Variants in IFNLR1 observed in about 807,000 individuals in gnomAD.
IFNLR1 encodes the protein interferon lambda receptor 1, also known as CRF2-12.
IFNLR1 carries 28 observed loss-of-function variants against 52.5 expected under a neutral mutation model. That is an observed-to-expected ratio of 0.53 (90% CI 0.40 to 0.73). IFNLR1 has a LOEUF of 0.73. Among genes scored for constraint, IFNLR1 ranks in the 30% least tolerant of loss-of-function variants. IFNLR1 has a pLI of 0.00. For missense variants in IFNLR1, 623 were observed against 659.1 expected (o/e 0.95, Z 0.60); for synonymous variants, 276 against 274.9 (o/e 1.00, Z -0.04).
chr1:24,171,687 C>T (rs962876676), intron 2 of IFNLR1, among the ~76,000 whole-genome samples: 2 of 151,018 alleles, frequency 1.3e-5, no homozygotes, highest in East Asian at 1.9e-4. Context: ...GACAGAGTCT[C>T]GCTCTGTCAT....
intron 2 of IFNLR1, among the ~76,000 whole-genome samples, chr1:24,175,038 A>C (rs151233737): frequency 1.3e-5 from 2 of 152,366 alleles, no homozygotes; most frequent in South Asian, 2.1e-4. Context: ...GCTTTGACTA[A>C]AGGGGACAGA....
At chr1:24,158,824 T>C (rs778732077) in intron 6 of IFNLR1, among the ~76,000 whole-genome samples, 16 of 152,198 alleles carry the variant, frequency 1.1e-4, no homozygotes, top group Non-Finnish European at 1.2e-4. Context: ...GGTGAAGTTA[T>C]TTATCTCAAA....
intron 2 of IFNLR1, among the ~76,000 whole-genome samples, chr1:24,177,956 C>T (rs951710410): frequency 6.6e-6 from 1 of 152,030 alleles, no homozygotes; most frequent in South Asian, 2.1e-4. Context: ...ATGGGAAGCA[C>T]CCGTATAACT....
chr1:24,181,772 C>T (rs901819927), intron 1 of IFNLR1, among the ~76,000 whole-genome samples: 2 of 152,112 alleles, frequency 1.3e-5, no homozygotes, highest in African/African-American at 2.4e-5. Context: ...AGCGCCAGAG[C>T]AATGGTCAGA....
At chr1:24,160,484 TA>T (rs1644431013) in intron 4 of IFNLR1, among the ~76,000 whole-genome samples, 1 of 152,236 alleles carries the variant, frequency 6.6e-6, no homozygotes, top group Non-Finnish European at 1.5e-5. Context: ...TTACTTAATT[TA>T]ACATGGAACA....
At position 24,156,863 on chromosome 1, in the gene IFNLR1, G is replaced by A; in HGVS notation, c.*267C>T. On this transcript the variant is annotated 3_prime_UTR_variant, in exon 7 of 7. Transcript: ENST00000327535. ...TGGCCTGTCACCCTAGGGACAATGG[G>A]GGTGATGACACCCCACCAACCTCTG... 1.9e-6 allele frequency: 1 copy of A among 514,040 alleles called. No homozygotes were observed. The highest frequency in any genetic ancestry group is 3.6e-5 in the Admixed American group (1 of 27,428). 31.8% of individuals were successfully genotyped at this position (514,040 alleles called of 1,614,324 possible).
In IFNLR1 at chr1:24,159,508, G is replaced by A. The variant is rs1254453368; in HGVS notation, c.636C>T (p.Phe212=). The change falls in exon 5 of 7, where the codon TTC becomes TTT. Residue 212 remains phenylalanine (F), a synonymous_variant. Coordinates refer to ENST00000327535, the MANE Select transcript of IFNLR1 (RefSeq NM_170743.4). The part of the protein sequence containing the change: ...YTFSVPKYSK[F]SKPTCFLLEV... Reference sequence around the variant, plus strand: ...CCAGCAAGAAGCAGGTGGGCTTAGAGAACTTGCTGTATTTCGGGACACTGA... The same window carrying A: ...CCAGCAAGAAGCAGGTGGGCTTAGAAAACTTGCTGTATTTCGGGACACTGA... The A allele has an allele frequency of 3.7e-6, 6 of 1,614,064 alleles. No homozygotes were observed. Among genetic ancestry groups the A allele is most frequent in the Non-Finnish European group, 2.5e-6 (3 of 1,180,034 alleles).
At chr1:24,183,187 T>C (rs1204807394) in intron 1 of IFNLR1, among the ~76,000 whole-genome samples, 2 of 152,184 alleles carry the variant, frequency 1.3e-5, no homozygotes, top group Non-Finnish European at 2.9e-5. Flanking sequence ...GTCTGCACTG[T>C]AGTCTAAGGT....
chr1:24,159,310 G>A, intron 5 of IFNLR1, 128 bp from the exon 6 acceptor site: 2 of 1,337,454 alleles, frequency 1.5e-6, no homozygotes, highest in South Asian at 2.7e-5. Flanking sequence ...TGCAGACTGT[G>A]CAAACCAAGG....
chr1:24,181,010 G>A (rs1424511933), intron 1 of IFNLR1, among the ~76,000 whole-genome samples, 156 bp from the exon 2 acceptor site: 1 of 152,164 alleles, frequency 6.6e-6, no homozygotes, highest in Non-Finnish European at 1.5e-5. Context: ...CTTGTGCCAT[G>A]AGAGAAGACC....
At chr1:24,178,190 C>A (rs977773244) in intron 2 of IFNLR1, among the ~76,000 whole-genome samples, 12 of 151,854 alleles carry the variant, frequency 7.9e-5, no homozygotes, top group African/African-American at 2.9e-4. Context: ...TAGGCTGAGG[C>A]AGGATAATCT....
At chr1:24,187,013 C>T (rs772784284) in intron 1 of IFNLR1, among the ~76,000 whole-genome samples, 178 bp downstream of exon 1, 2 of 152,194 alleles carry the variant, frequency 1.3e-5, no homozygotes, top group Non-Finnish European at 2.9e-5. Context: ...TATCAAAGAC[C>T]CGGTTCTGTT....
Position 24,157,116 on chromosome 1 carries a change from T to G in IFNLR1, c.*14A>C. 6.3e-7 allele frequency: 1 copy of G among 1,590,998 alleles called. No individual in the cohort carries two copies. Among genetic ancestry groups the G allele is most frequent in the East Asian group, 2.2e-5 (1 of 44,746 alleles). On this transcript the variant is annotated 3_prime_UTR_variant, in exon 7 of 7. Coordinates refer to ENST00000327535, the MANE Select transcript of IFNLR1 (RefSeq NM_170743.4). The surrounding 1 kb of genome is among the most constrained non-coding windows in gnomAD (Gnocchi z 5.1). ...AGCAGCAGCATCAGATTCGGTGGGATGTCGGGGGACAGCTCACCTGGCCAT... is the reference window on the plus strand; with the variant it reads ...AGCAGCAGCATCAGATTCGGTGGGAGGTCGGGGGACAGCTCACCTGGCCAT...
intron 2 of IFNLR1, among the ~76,000 whole-genome samples, chr1:24,179,052 C>T (rs1644662515): frequency 2.0e-5 from 3 of 152,054 alleles, no homozygotes. Context: ...GTGATCCTCC[C>T]CACCTCAGCC....
intron 3 of IFNLR1, 48 bp downstream of exon 3, chr1:24,169,369 C>T: frequency 6.5e-7 from 1 of 1,545,960 alleles, no homozygotes; most frequent in Non-Finnish European, 8.9e-7. Flanking sequence ...GCACAGCTCC[C>T]CGATGGGATG....
rs72648587 is a variant in IFNLR1, at chr1:24,157,618, G to A, written c.1075C>T (p.His359Tyr). 0.077 allele frequency: 123,314 copies of A among 1,607,490 alleles called. 5,227 individuals are homozygous for A. The highest frequency in any genetic ancestry group is 0.098 in the Middle Eastern group (591 of 6,020). Reference sequence around the variant, plus strand: ...GAGTCCACCCCACCAGCCTCCGAGTGCCCTGGAGCCTGGTGCTCTTGCCCC... The same window carrying A: ...GAGTCCACCCCACCAGCCTCCGAGTACCCTGGAGCCTGGTGCTCTTGCCCC... ...FLGQEHQAPG[H>Y]SEAGGVDSGR... The change falls in exon 7 of 7, where the codon CAC becomes TAC. Residue 359 changes from histidine (H) to tyrosine (Y), a missense_variant. Transcript: ENST00000327535. This position sits in a 1 kb window ranked among gnomAD's most constrained non-coding sequence, Gnocchi z 5.1.
At chr1:24,173,995 T>G (rs759973852) in intron 2 of IFNLR1, among the ~76,000 whole-genome samples, 60 of 152,214 alleles carry the variant, frequency 3.9e-4, no homozygotes, top group Non-Finnish European at 5.0e-4. Context: ...ATTCATATGT[T>G]GAAGACCTCA....
rs1644416985 is a variant in IFNLR1, at chr1:24,159,458, A to G, written c.670+16T>C. On this transcript the variant is annotated intron_variant, in intron 5 of 6. Transcript: ENST00000327535. ...CCAGAGGGAAAGTTTCTCTTTCTGC[A>G]CCACTTGATACCCACCTGGGACCTC... is the stretch of plus-strand genomic sequence containing the variant. 1.2e-6 allele frequency: 2 copies of G among 1,612,894 alleles called. No individual in the cohort carries two copies. Among genetic ancestry groups the G allele is most frequent in the South Asian group, 1.1e-5 (1 of 90,990 alleles).
chr1:24,180,751 G>A lies in IFNLR1; in HGVS notation c.162C>T (p.Thr54=), dbSNP rs373940561. The part of the protein sequence containing the change: ...LPGLGNPQDV[T]YFVAYQSSPT... ...TCTACCTCTGATAGGCCACAAAATA[G>A]GTCACATCCTGGGGGTTGCCAAGCC... Residue 54 remains threonine, a synonymous_variant, in exon 2 of 7, where the codon ACC becomes ACT. Transcript: ENST00000327535. The A allele has an allele frequency of 1.2e-5, 18 of 1,479,930 alleles. No individual in the cohort carries two copies. In the African/African-American group the frequency reaches 2.6e-4, roughly 22 times the overall value. The allele number at this position is 1,479,930 out of a possible 1,614,324, so 91.7% of individuals were successfully genotyped here.
Sources: allele counts gnomAD v4.1 joint callset (sites outside exome capture counted in the v4.1 genomes callset), GRCh38; gene constraint gnomAD v4.1.1; non-coding constraint Gnocchi (gnomAD v3.1); transcripts MANE v1.5; gene names NCBI Gene and HGNC (gene_info 2026-07-23, HGNC 2026-07-21).